SPDYA: variants seen among roughly 807,000 people sequenced by gnomAD.
SPDYA encodes speedy protein A.
Under a neutral mutation model 36.7 loss-of-function variants are expected in SPDYA, and 11 were observed. The ratio of observed to expected loss-of-function variants is 0.30; its 90% CI spans 0.19 to 0.50. The LOEUF is 0.50. Ranked by LOEUF, SPDYA falls within the 20% of genes least tolerant of loss-of-function variation. The pLI, the probability that SPDYA is intolerant of heterozygous loss-of-function variation, is 0.98. For missense variants in SPDYA, 287 were observed against 370.9 expected (o/e 0.77, Z 1.86); for synonymous variants, 115 against 118.7 (o/e 0.97, Z 0.20).
intron 7 of SPDYA, among the ~76,000 whole-genome samples, chr2:28,846,944 G>T (rs1385339693): frequency 6.6e-6 from 1 of 152,162 alleles, no homozygotes; most frequent in Non-Finnish European, 1.5e-5. Context: ...GACAATTGGG[G>T]ATTGACACAA....
chr2:28,832,376 C>G (rs1668498931), intron 6 of SPDYA, among the ~76,000 whole-genome samples: 1 of 152,178 alleles, frequency 6.6e-6, no homozygotes, highest in South Asian at 2.1e-4. Context: ...CTTTTCACCT[C>G]ACCAACTTCA....
At chr2:28,834,682 CA>C (rs1668551583) in intron 6 of SPDYA, among the ~76,000 whole-genome samples, 1 of 152,058 alleles carries the variant, frequency 6.6e-6, no homozygotes, top group South Asian at 2.1e-4. Flanking sequence ...AATTCAAAGA[CA>C]GAAAGTAGAT....
In SPDYA at chr2:28,838,284, C is replaced by T. The variant is rs917219427; in HGVS notation, c.553-1888C>T. 4.7e-5 allele frequency among the ~76,000 whole-genome samples: 7 copies of T among 149,380 alleles called. No homozygotes were observed. In the South Asian group the frequency reaches 8.4e-4, roughly 18 times the overall value. On this transcript the variant is annotated intron_variant, in intron 6 of 7. Transcript: ENST00000334056. ...GCAACCTCCACCTCCCAGGTTCAAA[C>T]GATTCTCCTGCCTTAGCCTCCCAAG...
At chr2:28,842,213 G>A (rs1009110154) in intron 7 of SPDYA, 13 of 152,120 alleles carry the variant, frequency 8.5e-5, no homozygotes, top group African/African-American at 2.7e-4. Flanking sequence ...AAGCTGCCAC[G>A]GAAGCCTTCT....
At chr2:28,849,783 C>T in intron 7 of SPDYA, 67 bp from the exon 8 acceptor site, 3 of 874,008 alleles carry the variant, frequency 3.4e-6, no homozygotes, top group Non-Finnish European at 5.3e-6. Context: ...ATATACAAGC[C>T]ATTATAAGAT....
chr2:28,849,837 T>C lies in SPDYA; in HGVS notation c.851-13T>C. On this transcript the variant is annotated splice_polypyrimidine_tract_variant and intron_variant, in intron 7 of 7. Coordinates refer to ENST00000334056, the MANE Select transcript of SPDYA (RefSeq NM_182756.4). ...TACATAAAATTTATCTTAAAATGCA[T>C]ATTTTATTTCAGTAGTCAATGACCA... The C allele has an allele frequency of 7.0e-7, 1 of 1,421,682 alleles. No homozygotes were observed. The highest frequency in any genetic ancestry group is 2.3e-5 in the East Asian group (1 of 43,102). 88.1% of individuals were successfully genotyped at this position (1,421,682 alleles called of 1,614,324 possible).
chr2:28,823,145 T>C (rs1164690523), intron 5 of SPDYA, among the ~76,000 whole-genome samples: 1 of 152,170 alleles, frequency 6.6e-6, no homozygotes, highest in Non-Finnish European at 1.5e-5. Context: ...ATCTATAACA[T>C]AGTCATTATT....
intron 4 of SPDYA, among the ~76,000 whole-genome samples, chr2:28,819,888 A>C (rs1207056771): frequency 1.3e-5 from 1 of 79,064 alleles, no homozygotes; most frequent in African/African-American, 5.0e-5. Context: ...ATATATATAT[A>C]TATATATATA....
At chr2:28,836,932 C>T (rs1345863542) in intron 6 of SPDYA, among the ~76,000 whole-genome samples, 2 of 152,240 alleles carry the variant, frequency 1.3e-5, no homozygotes, top group East Asian at 3.8e-4. Context: ...TTAGACTACA[C>T]TTCCAGCCCC....
At chr2:28,828,287 C>T (rs960469168) in intron 5 of SPDYA, among the ~76,000 whole-genome samples, 1 of 152,048 alleles carries the variant, frequency 6.6e-6, no homozygotes, top group African/African-American at 2.4e-5. Context: ...ACGCCCGGCC[C>T]TCATCTTGTG....
intron 1 of SPDYA, among the ~76,000 whole-genome samples, chr2:28,812,256 A>T (rs1667865261): frequency 1.3e-5 from 2 of 152,172 alleles, no homozygotes; most frequent in Admixed American, 1.3e-4. Flanking sequence ...TCTGTGTGTG[A>T]CTGCATTCAT....
chr2:28,842,986 A>T (rs1412376517), intron 7 of SPDYA, among the ~76,000 whole-genome samples: 2 of 78,490 alleles, frequency 2.5e-5, no homozygotes, highest in Non-Finnish European at 5.3e-5. Flanking sequence ...TGAATTCAGC[A>T]TTCTCCAAGA....
chr2:28,849,291 C>A (rs1668972102), intron 7 of SPDYA, among the ~76,000 whole-genome samples: 1 of 152,040 alleles, frequency 6.6e-6, no homozygotes, highest in Non-Finnish European at 1.5e-5. Flanking sequence ...AAAATGTATT[C>A]CCCAAACATT....
chr2:28,821,717 C>T (rs898881460), intron 4 of SPDYA, among the ~76,000 whole-genome samples: 2 of 152,128 alleles, frequency 1.3e-5, no homozygotes, highest in Non-Finnish European at 2.9e-5. Flanking sequence ...ATTATTATAA[C>T]TTGTTTTTAA....
At chr2:28,830,336 TG>T (rs1367610787) in intron 6 of SPDYA, among the ~76,000 whole-genome samples, 1 of 151,226 alleles carries the variant, frequency 6.6e-6, no homozygotes, top group Non-Finnish European at 1.5e-5. Flanking sequence ...CCCAATTAGC[TG>T]GGACTACAGG....
intron 4 of SPDYA, among the ~76,000 whole-genome samples, chr2:28,820,163 GA>G (rs541423421): frequency 7.9e-4 from 120 of 152,010 alleles, no homozygotes; most frequent in Non-Finnish European, 1.6e-3. Flanking sequence ...TTGTAAGTCA[GA>G]GAAAACAAAT....
intron 7 of SPDYA, 180 bp downstream of exon 7, chr2:28,840,649 G>A (rs1668728059): frequency 4.4e-6 from 6 of 1,375,168 alleles, no homozygotes; most frequent in Non-Finnish European, 5.6e-6. Context: ...GTTTTGTGGT[G>A]ACCCACCTAA....
Position 28,816,072 on chromosome 2 carries a change from T to C in SPDYA, c.58T>C (p.Ser20Pro), listed in dbSNP as rs1438494996. ...TPPTVTVYVK[S>P]GSNRSHQPKK... ...ACCTACTGTCACTGTTTATGTAAAATCAGGGTCAAATAGATCACATCAGCC... is the reference window on the plus strand; with the variant it reads ...ACCTACTGTCACTGTTTATGTAAAACCAGGGTCAAATAGATCACATCAGCC... The change falls in exon 3 of 8, where the codon TCA becomes CCA. Residue 20 changes from serine to proline, a missense_variant. By Grantham distance (74) the Ser-to-Pro change is moderately conservative. Transcript: ENST00000334056. 6.2e-7 allele frequency: 1 copy of C among 1,613,918 alleles called. No homozygotes were observed. Among genetic ancestry groups the C allele is most frequent in the Non-Finnish European group, 8.5e-7 (1 of 1,179,938 alleles).
intron 7 of SPDYA, chr2:28,841,960 C>T (rs570165939): frequency 1.3e-5 from 2 of 152,172 alleles, no homozygotes; most frequent in South Asian, 4.2e-4. Flanking sequence ...TTACAATGTC[C>T]AAGGCAATAT....
Sources: allele counts gnomAD v4.1 joint callset (sites outside exome capture counted in the v4.1 genomes callset), GRCh38; gene constraint gnomAD v4.1.1; transcripts MANE v1.5; gene names NCBI Gene and HGNC (gene_info 2026-07-23, HGNC 2026-07-21).